The following BMERB1 variants were observed in gnomAD, a reference collection of about 807,000 sequenced individuals.
The protein encoded by BMERB1 is bMERB domain containing 1.
In BMERB1, 12 loss-of-function variants were observed where a neutral mutation model predicts 23.6. The ratio of observed to expected loss-of-function variants is 0.51; its 90% CI spans 0.33 to 0.82. The LOEUF is 0.82. Among genes scored for constraint, BMERB1 ranks in the 40% least tolerant of loss-of-function variants. The pLI, the probability that BMERB1 is intolerant of heterozygous loss-of-function variation, is 0.03. For missense variants in BMERB1, 247 were observed against 255.4 expected (o/e 0.97, Z 0.22); for synonymous variants, 122 against 96.6 (o/e 1.26, Z -1.54).
At chr16:15,488,830 A>C (rs1272020903) in intron 1 of BMERB1, among the ~76,000 whole-genome samples, 3 of 151,550 alleles carry the variant, frequency 2.0e-5, no homozygotes, top group Non-Finnish European at 4.4e-5. Context: ...AAAAAAAAAA[A>C]ACAAAGATAT....
At chr16:15,536,978 A>G (rs1198194969) in intron 2 of BMERB1, 1 of 152,238 alleles carries the variant, frequency 6.6e-6, no homozygotes, top group Non-Finnish European at 1.5e-5. Flanking sequence ...TCCTTGGCAC[A>G]GCAGTGGGAG....
chr16:15,463,736 A>G (rs2051156851), intron 1 of BMERB1, among the ~76,000 whole-genome samples: 1 of 151,898 alleles, frequency 6.6e-6, no homozygotes, highest in Non-Finnish European at 1.5e-5. Flanking sequence ...CCTGACCCCC[A>G]TCCCCACCCC....
chr16:15,543,033 G>C (rs1052500161), intron 2 of BMERB1, among the ~76,000 whole-genome samples: 6 of 152,134 alleles, frequency 3.9e-5, no homozygotes, highest in African/African-American at 1.2e-4. Flanking sequence ...GTTCTTGTCT[G>C]GTGTCCAGGA....
At chr16:15,523,526 C>T (rs1333971593) in intron 2 of BMERB1, among the ~76,000 whole-genome samples, 1 of 152,150 alleles carries the variant, frequency 6.6e-6, no homozygotes, top group African/African-American at 2.4e-5. Flanking sequence ...CCTTCCCTTC[C>T]TATCACCTCT....
chr16:15,488,443 G>T (rs2051386480), intron 1 of BMERB1, among the ~76,000 whole-genome samples: 1 of 152,112 alleles, frequency 6.6e-6, no homozygotes, highest in Non-Finnish European at 1.5e-5. Context: ...GGCAGGGGAG[G>T]TACAAGATGA....
At chr16:15,584,300 C>T in intron 5 of BMERB1, 1 of 391,054 alleles carries the variant, frequency 2.6e-6, no homozygotes, top group Non-Finnish European at 4.6e-6. Flanking sequence ...TGGCTCACGC[C>T]TGTAATGCCA....
intron 1 of BMERB1, among the ~76,000 whole-genome samples, chr16:15,456,972 C>T (rs888835149): frequency 3.3e-5 from 5 of 152,058 alleles, no homozygotes; most frequent in East Asian, 1.9e-4. Flanking sequence ...ATTACAGGCA[C>T]GCGCCACTAT....
At chr16:15,473,285 G>A (rs912397844) in intron 1 of BMERB1, among the ~76,000 whole-genome samples, 3 of 146,914 alleles carry the variant, frequency 2.0e-5, no homozygotes, top group African/African-American at 7.5e-5. Context: ...ATTTCCTTTA[G>A]CCTTTTTTTT....
At chr16:15,499,214 A>G (rs2051503108) in intron 1 of BMERB1, among the ~76,000 whole-genome samples, 1 of 152,088 alleles carries the variant, frequency 6.6e-6, no homozygotes, top group Admixed American at 6.6e-5. Flanking sequence ...CCTGGCCAAC[A>G]TGGTGAAACT....
intron 1 of BMERB1, among the ~76,000 whole-genome samples, chr16:15,495,338 G>C (rs1323967806): frequency 2.0e-5 from 3 of 152,034 alleles, no homozygotes; most frequent in African/African-American, 7.2e-5. Flanking sequence ...TGGGACTGTA[G>C]GCGTGCACCA....
At chr16:15,556,958 A>T (rs1457650523) in intron 2 of BMERB1, among the ~76,000 whole-genome samples, 1 of 152,198 alleles carries the variant, frequency 6.6e-6, no homozygotes, top group East Asian at 1.9e-4. Flanking sequence ...AGGAGACAAT[A>T]AAGACTATTT....
chr16:15,458,844 C>T (rs1454123027), intron 1 of BMERB1, among the ~76,000 whole-genome samples: 1 of 152,104 alleles, frequency 6.6e-6, no homozygotes, highest in East Asian at 1.9e-4. Flanking sequence ...CGGTGGCTCA[C>T]GCCTGTAATC....
chr16:15,534,127 G>T (rs1431772416), intron 2 of BMERB1, among the ~76,000 whole-genome samples: 2 of 151,654 alleles, frequency 1.3e-5, no homozygotes, highest in African/African-American at 4.8e-5. Flanking sequence ...AATACAATGA[G>T]GATCACAAAA....
At chr16:15,578,224 CTCT>C (rs376840392) in intron 3 of BMERB1, among the ~76,000 whole-genome samples, 10,199 of 146,700 alleles carry the variant, frequency 0.07, 406 homozygotes, top group East Asian at 0.18. Flanking sequence ...TTCTCTTCTC[CTCT>C]TTTTTTTTTT....
At chr16:15,583,092 G>T in intron 4 of BMERB1, 64 bp from the exon 5 acceptor site, 1 of 1,254,904 alleles carries the variant, frequency 8.0e-7, no homozygotes, top group Non-Finnish European at 1.2e-6. Flanking sequence ...TTATTTCATT[G>T]GTTCCTTGAT....
intron 1 of BMERB1, among the ~76,000 whole-genome samples, chr16:15,495,176 G>A (rs377620602): frequency 2.7e-4 from 41 of 151,736 alleles, no homozygotes; most frequent in African/African-American, 9.7e-4. Flanking sequence ...GAGCCATCAC[G>A]CCCGGCCTAA....
intron 1 of BMERB1, among the ~76,000 whole-genome samples, chr16:15,445,629 A>G (rs1455393282): frequency 2.0e-5 from 3 of 152,162 alleles, no homozygotes; most frequent in Non-Finnish European, 4.4e-5. Flanking sequence ...AAAAGGACTG[A>G]TCATACTAAG....
chr16:15,563,262 C>CT (rs1229145674), intron 2 of BMERB1, among the ~76,000 whole-genome samples: 1 of 152,082 alleles, frequency 6.6e-6, no homozygotes, highest in Admixed American at 6.6e-5. Context: ...GAGACTCGCT[C>CT]TGTTGCCCAG....
intron 1 of BMERB1, among the ~76,000 whole-genome samples, chr16:15,472,889 G>A (rs1598458016): frequency 2.3e-5 from 3 of 132,206 alleles, no homozygotes; most frequent in South Asian, 2.3e-4. Flanking sequence ...ACATGGTCTC[G>A]CTCTGTTGCC....
Sources: allele counts gnomAD v4.1 joint callset (sites outside exome capture counted in the v4.1 genomes callset), GRCh38; gene constraint gnomAD v4.1.1; transcripts MANE v1.5; gene names NCBI Gene and HGNC (gene_info 2026-07-23, HGNC 2026-07-21).